FRMD1: variants seen among roughly 807,000 people sequenced by gnomAD.
FRMD1 encodes the protein FERM domain-containing protein 1.
In FRMD1, 51 loss-of-function variants were observed where a neutral mutation model predicts 54.9. That is an observed-to-expected ratio of 0.93 (90% confidence interval 0.74 to 1.17). The LOEUF is 1.17. Among genes scored for constraint, FRMD1 ranks in the 50% most tolerant of loss-of-function variants. The pLI is 0.00. For synonymous variants in FRMD1, 324 were observed against 306.4 expected (o/e 1.06, Z -0.60); for missense variants, 729 against 743.0 (o/e 0.98, Z 0.22).
At chr6:168,080,170 A>C (rs952908622), upstream of FRMD1, among the ~76,000 whole-genome samples, 2 of 152,112 alleles carry the variant, frequency 1.3e-5, no homozygotes, top group Non-Finnish European at 2.9e-5. Context: ...CGGTGGGTTT[A>C]GGAAATTCGC....
intron 1 of FRMD1, 143 bp downstream of exon 1, chr6:168,078,739 T>G: frequency 1.7e-4 from 111 of 639,910 alleles, no homozygotes; most frequent in Middle Eastern, 7.4e-4. Context: ...CTCACCCCCA[T>G]GGCTCTGTTT....
chr6:168,078,807 C>T (rs1800728133), intron 1 of FRMD1, 75 bp downstream of exon 1: 1 of 1,308,064 alleles, frequency 7.6e-7, no homozygotes, highest in Non-Finnish European at 1.0e-6. Flanking sequence ...GCCCTGCTCA[C>T]CCCCACGGCC....
intron 10 of FRMD1, 148 bp from the exon 11 acceptor site, chr6:168,057,487 G>T: frequency 8.5e-7 from 1 of 1,175,418 alleles, no homozygotes; most frequent in South Asian, 1.5e-5. Flanking sequence ...GCCCCTGGAC[G>T]GGTCCCCCAG....
intron 1 of FRMD1, among the ~76,000 whole-genome samples, chr6:168,087,041 T>C (rs993293674): frequency 6.6e-6 from 1 of 152,082 alleles, no homozygotes; most frequent in African/African-American, 2.4e-5. Flanking sequence ...TGGGCCTGGT[T>C]TTCAACCACT....
upstream of FRMD1, among the ~76,000 whole-genome samples, chr6:168,083,360 G>A (rs1165353030): frequency 2.6e-5 from 4 of 152,244 alleles, no homozygotes; most frequent in African/African-American, 9.6e-5. Context: ...TATCTTAGCA[G>A]CAGGAAGGGT....
chr6:168,084,017 G>A (rs865894635), upstream of FRMD1, among the ~76,000 whole-genome samples: 1 of 152,200 alleles, frequency 6.6e-6, no homozygotes, highest in African/African-American at 2.4e-5. Flanking sequence ...AGGGTACCCC[G>A]AGTCCTGTGG....
chr6:168,078,904 T>C lies in FRMD1; in HGVS notation c.191A>G (p.Glu64Gly). Residue 64 changes from glutamate to glycine, a missense_variant, in exon 1 of 11, where the codon GAG (glutamate) becomes GGG (glycine). Coordinates refer to ENST00000283309, the MANE Select transcript of FRMD1 (RefSeq NM_024919.6). Reference sequence around the variant, plus strand: ...CACCCCCACGGCCAGCCGCAGTTGCTCCCGGCTGGGCAGCAGCACGAGGAC... The same window carrying C: ...CACCCCCACGGCCAGCCGCAGTTGCCCCCGGCTGGGCAGCAGCACGAGGAC... ...RDVLVLLPSR[E>G]QLRLAVGVKA... 1 of 1,596,178 alleles carries C rather than the reference T, an allele frequency of 6.3e-7. No homozygotes were observed. The highest frequency in any genetic ancestry group is 2.2e-5 in the East Asian group (1 of 44,558).
At chr6:168,060,435 G>A (rs1489190078) in intron 9 of FRMD1, among the ~76,000 whole-genome samples, 1 of 151,994 alleles carries the variant, frequency 6.6e-6, no homozygotes, top group Non-Finnish European at 1.5e-5. Flanking sequence ...ATGGGCTTCC[G>A]AGAAAGCTAA....
At chr6:168,063,394 C>T (rs1409595148) in intron 6 of FRMD1, among the ~76,000 whole-genome samples, 4 of 151,704 alleles carry the variant, frequency 2.6e-5, no homozygotes. Flanking sequence ...CATGGGGGCT[C>T]CATCCGTCCC....
At chr6:168,077,059 C>G (rs181544134) in intron 1 of FRMD1, among the ~76,000 whole-genome samples, 19 of 150,920 alleles carry the variant, frequency 1.3e-4, no homozygotes, top group African/African-American at 4.4e-4. Context: ...GAGGGTTCCT[C>G]TCCTACTGCA....
chr6:168,081,415 G>A, upstream of FRMD1: 5 of 1,535,652 alleles, frequency 3.3e-6, no homozygotes, highest in Non-Finnish European at 3.5e-6. Context: ...CGTGATGTCA[G>A]GGCCGGGCAG....
At chr6:168,090,607 T>C (rs1467607725) in intron 1 of FRMD1, among the ~76,000 whole-genome samples, 1 of 152,240 alleles carries the variant, frequency 6.6e-6, no homozygotes, top group African/African-American at 2.4e-5. Context: ...TTAGAGTAAC[T>C]TGACCCCTGC....
At chr6:168,072,599 G>A (rs569967268) in intron 2 of FRMD1, among the ~76,000 whole-genome samples, 7 of 152,324 alleles carry the variant, frequency 4.6e-5, no homozygotes, top group East Asian at 3.9e-4. Context: ...CCAACATGTC[G>A]GTGAACGTCC....
chr6:168,059,621 G>C lies in FRMD1; in HGVS notation c.1343-433C>G, dbSNP rs751980333. Among the ~76,000 whole-genome samples, 2 of 152,146 alleles carry C rather than the reference G, an allele frequency of 1.3e-5. No individual in the cohort carries two copies. Among genetic ancestry groups the C allele is most frequent in the Non-Finnish European group, 2.9e-5 (2 of 68,006 alleles). On this transcript the variant is annotated intron_variant, in intron 9 of 10. Transcript: ENST00000283309. The surrounding 1 kb of genome is among the most constrained non-coding windows in gnomAD (Gnocchi z 4.4). The stretch of plus-strand genomic sequence containing the variant: ...ATGCTGGGCGGTCCTGGGTGACTGA[G>C]CCCTGGGGCTGGTCCCACCTGATCT...
rs1799593873 is a variant in FRMD1, at chr6:168,059,282, C to T, written c.1343-94G>A. ...TTCCCTGCACTTCTGGGGCCCTGGT[C>T]TCGGACCGGCATCTCCTGAGGCTCA... On this transcript the variant is annotated intron_variant, in intron 9 of 10. Transcript: ENST00000283309. This position sits in a 1 kb window ranked among gnomAD's most constrained non-coding sequence, Gnocchi z 4.4. 1 of 1,051,942 alleles carries T rather than the reference C, an allele frequency of 9.5e-7. No individual in the cohort carries two copies. Among genetic ancestry groups the T allele is most frequent in the South Asian group, 1.4e-5 (1 of 69,532 alleles). 65.2% of individuals were successfully genotyped at this position (1,051,942 alleles called of 1,614,324 possible). A position where few individuals can be genotyped will look rare whatever the true frequency, so the allele number is the denominator to read the frequency against.
At position 168,055,150 on chromosome 6, in the gene FRMD1, G is replaced by A. The variant is rs1224616622; in HGVS notation, c.*1947C>T. ...GCTTCTCGGGTCAGCCAGGGGCCATGGCTGCCTCGCCTCTGCCAGGACACA... is the reference window on the plus strand; with the variant it reads ...GCTTCTCGGGTCAGCCAGGGGCCATAGCTGCCTCGCCTCTGCCAGGACACA... On this transcript the variant is annotated 3_prime_UTR_variant, in exon 11 of 11. Transcript: ENST00000283309. 6.6e-6 allele frequency: 1 copy of A among 152,256 alleles called. No homozygotes were observed. The highest frequency in any genetic ancestry group is 2.4e-5 in the African/African-American group (1 of 41,468). The allele number at this position is 152,256 out of a possible 1,614,324, so 9.4% of individuals were successfully genotyped here. A position where few individuals can be genotyped will look rare whatever the true frequency, so the allele number is the denominator to read the frequency against.
Position 168,065,002 on chromosome 6 carries a change from A to G in FRMD1, c.517T>C (p.Ser173Pro), listed in dbSNP as rs774648756. ...YCHLKERVLR[S>P]QCAHREEAYF... ...GCTTCCTCCCGGTGAGCGCACTGTG[A>G]CCTCAGCACGCGCTCCTTCAAGTGG... The change falls in exon 5 of 11, where the codon TCA (serine) becomes CCA (proline). Residue 173 changes from serine (S) to proline (P), a missense_variant. Ser to Pro is a moderately conservative substitution (Grantham distance 74). Transcript: ENST00000283309. The G allele has an allele frequency of 1.3e-5, 21 of 1,611,640 alleles. 1 individual carries two copies. In the South Asian group the frequency reaches 1.6e-4, roughly 13 times the overall value.
chr6:168,084,809 G>A (rs990271221), upstream of FRMD1, among the ~76,000 whole-genome samples: 1 of 152,242 alleles, frequency 6.6e-6, no homozygotes, highest in South Asian at 2.1e-4. Flanking sequence ...GCGTCCCATG[G>A]TCGAGAGGTC....
intron 1 of FRMD1, among the ~76,000 whole-genome samples, chr6:168,086,632 C>T (rs1562435452): frequency 6.6e-6 from 1 of 152,268 alleles, no homozygotes; most frequent in South Asian, 2.1e-4. Context: ...ACACCCATGT[C>T]CCCAGCATGG....
Sources: gnomAD v4.1 joint callset for allele counts (sites outside exome capture counted in the v4.1 genomes callset) on GRCh38, gnomAD v4.1.1 for gene constraint, Gnocchi (gnomAD v3.1) non-coding constraint, MANE v1.5 for transcripts, NCBI Gene and HGNC (gene_info 2026-07-23, HGNC 2026-07-21) for gene names.